TRIM45: variants seen among roughly 807,000 people sequenced by gnomAD.
TRIM45 encodes the protein E3 ubiquitin-protein ligase TRIM45.
In TRIM45, 45 loss-of-function variants were observed where a neutral mutation model predicts 46.7. That is an observed-to-expected ratio of 0.96 (90% confidence interval 0.76 to 1.24). The LOEUF (loss-of-function observed/expected upper bound fraction) is 1.24. Ranked by LOEUF, TRIM45 falls within the 50% of genes most tolerant of loss-of-function variation. The pLI, the probability that TRIM45 is intolerant of heterozygous loss-of-function variation, is 0.00. For missense variants in TRIM45, 680 were observed against 728.4 expected (o/e 0.93, Z 0.77); for synonymous variants, 259 against 285.8 (o/e 0.91, Z 0.94).
At chr1:117,122,984 T>C (rs1189100928), upstream of TRIM45, among the ~76,000 whole-genome samples, 1 of 151,616 alleles carries the variant, frequency 6.6e-6, no homozygotes, top group Non-Finnish European at 1.5e-5. Flanking sequence ...AGGCATAGTG[T>C]CTGGAGCCTA....
chr1:117,118,466 T>G lies in TRIM45; in HGVS notation c.790A>C (p.Ser264Arg). 6.2e-7 allele frequency: 1 copy of G among 1,614,044 alleles called. No homozygotes were observed. Among genetic ancestry groups the G allele is most frequent in the Non-Finnish European group, 8.5e-7 (1 of 1,180,012 alleles). ...GCCTCCACTCGCTTCTGGAGGGCAC[T>G]GTTTATTATGTGGATCTGAGCCAGG... ...EALAQIHIIN[S>R]ALQKRVEAVA... Residue 264 changes from serine (S) to arginine (R), a missense_variant, in exon 2 of 6, where the codon AGT becomes CGT. This residue lies in a region of TRIM45 where 349 missense variants were observed against 343.6 expected (regional missense o/e 1.02). Coordinates refer to ENST00000256649, the MANE Select transcript of TRIM45 (RefSeq NM_025188.4). This position sits in a 1 kb window ranked among gnomAD's most constrained non-coding sequence, Gnocchi z 5.7.
chr1:117,116,483 C>A lies in TRIM45; in HGVS notation c.1352+133G>T. 1 of 1,245,556 alleles carries A rather than the reference C, an allele frequency of 8.0e-7. No individual in the cohort carries two copies. Among genetic ancestry groups the A allele is most frequent in the Non-Finnish European group, 1.1e-6 (1 of 898,968 alleles). The allele number at this position is 1,245,556 out of a possible 1,614,324, so 77.2% of individuals were successfully genotyped here. On this transcript the variant is annotated intron_variant, in intron 3 of 5. Coordinates refer to ENST00000256649, the MANE Select transcript of TRIM45 (RefSeq NM_025188.4). This position sits in a 1 kb window ranked among gnomAD's most constrained non-coding sequence, Gnocchi z 4.6. ...TGAACTCTTGGGCTTAAGCGATCCT[C>A]CTGCCTCCACTTCCCAAAGTGCTGG...
rs151265142 is a variant in TRIM45, at chr1:117,118,511, C to T, written c.745G>A (p.Val249Met). Residue 249 changes from valine (V) to methionine (M), a missense_variant, in exon 2 of 6, where the codon GTG becomes ATG. By Grantham distance (21) the Val-to-Met change is conservative. Around this residue, in one of 3 missense-constraint regions of TRIM45, gnomAD observed 349 missense variants for 343.6 expected, o/e 1.02. Transcript: ENST00000256649. This position sits in a 1 kb window ranked among gnomAD's most constrained non-coding sequence, Gnocchi z 5.7. ...WELLKGTQPH[V>M]EALEEALAQI... Reference sequence around the variant, plus strand: ...GCCAGGGCTTCCTCCAGGGCCTCCACGTGGGGCTGAGTACCTTTGAGGAGC... The same window carrying T: ...GCCAGGGCTTCCTCCAGGGCCTCCATGTGGGGCTGAGTACCTTTGAGGAGC... The T allele has an allele frequency of 2.1e-5, 34 of 1,614,220 alleles. No homozygotes were observed. In the African/African-American group the frequency reaches 3.1e-4, roughly 15 times the overall value.
chr1:117,113,558 C>A lies in TRIM45; in HGVS notation c.1468-73G>T. Reference sequence around the variant, plus strand: ...AGGATGTGCTGCGCATCACTATGTGCTAAACAGAGTCTGAGGCACAGGGCC... The same window carrying A: ...AGGATGTGCTGCGCATCACTATGTGATAAACAGAGTCTGAGGCACAGGGCC... On this transcript the variant is annotated intron_variant, in intron 4 of 5. Transcript: ENST00000256649. This position sits in a 1 kb window ranked among gnomAD's most constrained non-coding sequence, Gnocchi z 4.0. 1.3e-6 allele frequency: 2 copies of A among 1,551,936 alleles called. No homozygotes were observed. The highest frequency in any genetic ancestry group is 1.7e-6 in the Non-Finnish European group (2 of 1,144,946).
At position 117,113,805 on chromosome 1, in the gene TRIM45, C is replaced by A. The variant is rs1650307383; in HGVS notation, c.1468-320G>T. On this transcript the variant is annotated intron_variant, in intron 4 of 5. Coordinates refer to ENST00000256649, the MANE Select transcript of TRIM45 (RefSeq NM_025188.4). This position sits in a 1 kb window ranked among gnomAD's most constrained non-coding sequence, Gnocchi z 4.0. ...CTGAAAGGAGTCACACAGTCAGCTC[C>A]ATTTTCAGTGACATCTGTATTAGCT... Among the ~76,000 whole-genome samples the A allele has an allele frequency of 6.6e-6, 1 of 152,190 alleles. No homozygotes were observed.
chr1:117,121,100 C>T lies in TRIM45; in HGVS notation c.102G>A (p.Gly34=), dbSNP rs971279029. 1 of 1,613,786 alleles carries T rather than the reference C, an allele frequency of 6.2e-7. No individual in the cohort carries two copies. Among genetic ancestry groups the T allele is most frequent in the African/African-American group, 1.3e-5 (1 of 74,858 alleles). ...SGKTHCPLCL[G]LFKAPRLLPC... ...GCAAGAGCCTGGGGGCTTTGAAAAG[C>T]CCCAAGCACAGGGGGCAGTGAGTCT... The change falls in exon 1 of 6, where the codon GGG becomes GGA. Residue 34 remains glycine (G), a synonymous_variant. Coordinates refer to ENST00000256649, the MANE Select transcript of TRIM45 (RefSeq NM_025188.4). The surrounding 1 kb of genome is among the most constrained non-coding windows in gnomAD (Gnocchi z 4.2).
chr1:117,116,893 G>C lies in TRIM45; in HGVS notation c.1223-148C>G, dbSNP rs888993011. 2.7e-6 allele frequency: 3 copies of C among 1,128,066 alleles called. No homozygotes were observed. The highest frequency in any genetic ancestry group is 3.7e-6 in the Non-Finnish European group (3 of 808,514). The allele number at this position is 1,128,066 out of a possible 1,614,324, so 69.9% of individuals were successfully genotyped here. A position where few individuals can be genotyped will look rare whatever the true frequency, so the allele number is the denominator to read the frequency against. Reference sequence around the variant, plus strand: ...TTTTCTCTTCCCCTTCTGCCTCCCAGAGTACGCCTCTTGGGAGTCCTTCCT... The same window carrying C: ...TTTTCTCTTCCCCTTCTGCCTCCCACAGTACGCCTCTTGGGAGTCCTTCCT... On this transcript the variant is annotated intron_variant, in intron 2 of 5. Coordinates refer to ENST00000256649, the MANE Select transcript of TRIM45 (RefSeq NM_025188.4). This position sits in a 1 kb window ranked among gnomAD's most constrained non-coding sequence, Gnocchi z 4.6.
chr1:117,112,337 G>C lies in TRIM45; in HGVS notation c.1711C>G (p.Pro571Ala), dbSNP rs2101326480. ...GCCACAGTCCTAAGTAGACTCCTCG[G>C]TGCGCTCTGCCCACCTGTCCATGTG... ...ECTWTGGQSA[P>A]RSLLRTVAL is the part of the protein sequence containing the mutation. The change falls in exon 6 of 6, where the codon CCG (proline) becomes GCG (alanine). Residue 571 changes from proline to alanine, a missense_variant. By Grantham distance (27) the Pro-to-Ala change is conservative. This residue lies in a region of TRIM45 where 322 missense variants were observed against 359.3 expected (regional missense o/e 0.90). Coordinates refer to ENST00000256649, the MANE Select transcript of TRIM45 (RefSeq NM_025188.4). 2 of 1,613,250 alleles carry C rather than the reference G, an allele frequency of 1.2e-6. No individual in the cohort carries two copies. The highest frequency in any genetic ancestry group is 4.5e-5 in the East Asian group (2 of 44,828).
chr1:117,118,320 C>T lies in TRIM45; in HGVS notation c.936G>A (p.Leu312=). The T allele has an allele frequency of 1.2e-6, 2 of 1,614,172 alleles. No homozygotes were observed. Among genetic ancestry groups the T allele is most frequent in the Non-Finnish European group, 1.7e-6 (2 of 1,180,030 alleles). The change falls in exon 2 of 6, where the codon CTG becomes CTA. Residue 312 remains leucine (L), a synonymous_variant. Transcript: ENST00000256649. This position sits in a 1 kb window ranked among gnomAD's most constrained non-coding sequence, Gnocchi z 5.7. ...IRAQKENSLQ[L]QKAQLEQLLA... ...GTAACTGTTCCAGCTGGGCCTTCTG[C>T]AGCTGCAGGGAATTTTCCTTCTGGG... is the stretch of plus-strand genomic sequence containing the variant.
upstream of TRIM45, chr1:117,122,622 T>TA (rs1265565578): frequency 6.6e-6 from 1 of 152,302 alleles, no homozygotes; most frequent in African/African-American, 2.4e-5. Flanking sequence ...CCGCTGTTTT[T>TA]ATCAGTCAAT....
At position 117,118,962 on chromosome 1, in the gene TRIM45, G is replaced by T. The variant is rs1001471554; in HGVS notation, c.489-195C>A. Among the ~76,000 whole-genome samples the T allele has an allele frequency of 6.6e-6, 1 of 152,210 alleles. No homozygotes were observed. The highest frequency in any genetic ancestry group is 1.5e-5 in the Non-Finnish European group (1 of 68,050). ...CAGTGGGGACAATACCTACCTGAAA[G>T]AGCTGTTGTATAGAATAACGTGTGA... On this transcript the variant is annotated intron_variant, in intron 1 of 5. Coordinates refer to ENST00000256649, the MANE Select transcript of TRIM45 (RefSeq NM_025188.4). This position sits in a 1 kb window ranked among gnomAD's most constrained non-coding sequence, Gnocchi z 5.7.
chr1:117,122,971 T>C (rs1433287027), upstream of TRIM45, among the ~76,000 whole-genome samples: 1 of 151,122 alleles, frequency 6.6e-6, no homozygotes, highest in Non-Finnish European at 1.5e-5. Context: ...TGTTTCATGC[T>C]ATAGGCATAG....
rs936394057 is a variant in TRIM45, at chr1:117,115,027, T to C, written c.1467+548A>G. On this transcript the variant is annotated intron_variant, in intron 4 of 5. Transcript: ENST00000256649. This position sits in a 1 kb window ranked among gnomAD's most constrained non-coding sequence, Gnocchi z 4.2. ...GCTCTACTTGTGTTATACTTGTTTGTAGAAACCATGGTAACGTAACTTGTT... is the reference window on the plus strand; with the variant it reads ...GCTCTACTTGTGTTATACTTGTTTGCAGAAACCATGGTAACGTAACTTGTT... Among the ~76,000 whole-genome samples the C allele has an allele frequency of 6.6e-6, 1 of 152,234 alleles. No individual in the cohort carries two copies. The highest frequency in any genetic ancestry group is 6.5e-5 in the Admixed American group (1 of 15,284).
In TRIM45 at chr1:117,116,156, C is replaced by A. The variant is rs572059528; in HGVS notation, c.1352+460G>T. 2.6e-5 allele frequency among the ~76,000 whole-genome samples: 4 copies of A among 152,136 alleles called. No individual in the cohort carries two copies. The East Asian group carries it at 5.8e-4, about 22-fold the overall frequency. On this transcript the variant is annotated intron_variant, in intron 3 of 5. Coordinates refer to ENST00000256649, the MANE Select transcript of TRIM45 (RefSeq NM_025188.4). This position sits in a 1 kb window ranked among gnomAD's most constrained non-coding sequence, Gnocchi z 4.6. ...GAGAGAATTGAATACAAAACCCACA[C>A]AAGAAAACACATTTGGTCACGTAAC... is the stretch of plus-strand genomic sequence containing the variant.
rs986220077 is a variant in TRIM45, at chr1:117,118,159, G to C, written c.1097C>G (p.Pro366Arg). Reference sequence around the variant, plus strand: ...GAAGCGTATCTTATCATTTACTCCAGGACGGGTGCTATATTGAACTTTGTT... The same window carrying C: ...GAAGCGTATCTTATCATTTACTCCACGACGGGTGCTATATTGAACTTTGTT... ...KLNKVQYSTR[P>R]GVNDKIRFCP... The change falls in exon 2 of 6, where the codon CCT becomes CGT. Residue 366 changes from proline (P) to arginine (R), a missense_variant. By Grantham distance (103) the Pro-to-Arg change is moderately radical. This residue lies in a region of TRIM45 where 322 missense variants were observed against 359.3 expected (regional missense o/e 0.90). Transcript: ENST00000256649. This position sits in a 1 kb window ranked among gnomAD's most constrained non-coding sequence, Gnocchi z 5.7. The C allele has an allele frequency of 1.2e-6, 2 of 1,614,058 alleles. No individual in the cohort carries two copies. Among genetic ancestry groups the C allele is most frequent in the African/African-American group, 2.7e-5 (2 of 74,922 alleles).
At position 117,115,596 on chromosome 1, in the gene TRIM45, G is replaced by A; in HGVS notation, c.1446C>T (p.Cys482=). ...TTACCTGCACATGCTGTTCTTTGATGCAGACCCACACAGTATAGACGCCAG... is the reference window on the plus strand; with the variant it reads ...TTACCTGCACATGCTGTTCTTTGATACAGACCCACACAGTATAGACGCCAG... ...KEPGVYTVWV[C]IKEQHVQGSP... Residue 482 remains cysteine, a synonymous_variant, in exon 4 of 6, where the codon TGC becomes TGT. Transcript: ENST00000256649. This position sits in a 1 kb window ranked among gnomAD's most constrained non-coding sequence, Gnocchi z 4.2. The A allele has an allele frequency of 2.5e-6, 4 of 1,613,962 alleles. No individual in the cohort carries two copies. Among genetic ancestry groups the A allele is most frequent in the Non-Finnish European group, 3.4e-6 (4 of 1,179,868 alleles).
Position 117,121,136 on chromosome 1 carries a change from C to A in TRIM45, c.66G>T (p.Gly22=). Residue 22 remains glycine, a synonymous_variant, in exon 1 of 6, where the codon GGG becomes GGT. Coordinates refer to ENST00000256649, the MANE Select transcript of TRIM45 (RefSeq NM_025188.4). The surrounding 1 kb of genome is among the most constrained non-coding windows in gnomAD (Gnocchi z 4.2). ...GGGGGCAGTGAGTCTTGCCTGAGTT[C>A]CCAAGTGCAGTCCCACTAGTGAGTT... ...VSKLTSGTAL[G]NSGKTHCPLC... The A allele has an allele frequency of 6.2e-7, 1 of 1,609,292 alleles. No homozygotes were observed. The highest frequency in any genetic ancestry group is 8.5e-7 in the Non-Finnish European group (1 of 1,177,682).
In TRIM45 at chr1:117,118,181, T is replaced by C. The variant is rs1388517882; in HGVS notation, c.1075A>G (p.Lys359Glu). ...VVVERLRKLN[K>E]VQYSTRPGVN... ...CCAGGACGGGTGCTATATTGAACTT[T>C]GTTCAGCTTCCTGAGCCGTTCTACC... The change falls in exon 2 of 6, where the codon AAA becomes GAA. Residue 359 changes from lysine to glutamate, a missense_variant. Lys to Glu is a moderately conservative substitution (Grantham distance 56). Coordinates refer to ENST00000256649, the MANE Select transcript of TRIM45 (RefSeq NM_025188.4). The surrounding 1 kb of genome is among the most constrained non-coding windows in gnomAD (Gnocchi z 5.7). 8 of 1,614,118 alleles carry C rather than the reference T, an allele frequency of 5.0e-6. No individual in the cohort carries two copies. The Admixed American group carries it at 5.0e-5, about 10-fold the overall frequency.
In TRIM45 at chr1:117,118,902, G is replaced by C; in HGVS notation, c.489-135C>G. The C allele has an allele frequency of 1.7e-6, 2 of 1,160,286 alleles. No homozygotes were observed. Among genetic ancestry groups the C allele is most frequent in the South Asian group, 3.1e-5 (2 of 65,330 alleles). 71.9% of individuals were successfully genotyped at this position (1,160,286 alleles called of 1,614,324 possible). On this transcript the variant is annotated intron_variant, in intron 1 of 5. Coordinates refer to ENST00000256649, the MANE Select transcript of TRIM45 (RefSeq NM_025188.4). This position sits in a 1 kb window ranked among gnomAD's most constrained non-coding sequence, Gnocchi z 5.7. ...CAATTCCTTGCTCTAATCTCTAATT[G>C]CATGAACCTCTCTGATTCCAGTTTC...
Sources: gnomAD v4.1 joint callset for allele counts (sites outside exome capture counted in the v4.1 genomes callset) on GRCh38, gnomAD v4.1.1 for gene constraint, gnomAD v4.1.1 regional missense constraint, Gnocchi (gnomAD v3.1) non-coding constraint, MANE v1.5 for transcripts, NCBI Gene and HGNC (gene_info 2026-07-23, HGNC 2026-07-21) for gene names.